CSGALNACT1: variants seen among roughly 807,000 people sequenced by gnomAD.
CSGALNACT1 encodes beta4GalNAcT-1.
Under a neutral mutation model 51.0 loss-of-function variants are expected in CSGALNACT1, and 52 were observed. That is an observed-to-expected ratio of 1.02 (90% CI 0.82 to 1.29). The LOEUF (loss-of-function observed/expected upper bound fraction) is 1.29, where lower values mean the gene tolerates loss of function less well. Ranked by LOEUF, CSGALNACT1 falls within the 50% of genes most tolerant of loss-of-function variation. The pLI is 0.00. For synonymous variants in CSGALNACT1, 341 were observed against 254.4 expected (o/e 1.34, Z -3.24); for missense variants, 935 against 679.2 (o/e 1.38, Z -4.19).
chr8:19,640,213 A>T (rs1171068547), intron 1 of CSGALNACT1, among the ~76,000 whole-genome samples: 2 of 152,246 alleles, frequency 1.3e-5, no homozygotes, highest in African/African-American at 2.4e-5. Flanking sequence ...CTTGCCAGCC[A>T]CACATCAGTG....
chr8:19,415,232 T>C (rs952356914), intron 8 of CSGALNACT1, among the ~76,000 whole-genome samples: 2 of 152,210 alleles, frequency 1.3e-5, no homozygotes, highest in Admixed American at 1.3e-4. Context: ...AAGCGTTTCA[T>C]TTCTTCTGAC....
chr8:19,415,147 C>G (rs1403898839), intron 8 of CSGALNACT1, among the ~76,000 whole-genome samples: 1 of 152,164 alleles, frequency 6.6e-6, no homozygotes, highest in Non-Finnish European at 1.5e-5. Flanking sequence ...GCTGTACAAT[C>G]CTGAACAAGC....
At chr8:19,462,903 A>T (rs1356487203) in intron 4 of CSGALNACT1, among the ~76,000 whole-genome samples, 1 of 152,028 alleles carries the variant, frequency 6.6e-6, no homozygotes, top group Non-Finnish European at 1.5e-5. Flanking sequence ...GTGTACAGAT[A>T]ATTTTGTCAC....
At chr8:19,415,590 T>G (rs776943611) in intron 8 of CSGALNACT1, among the ~76,000 whole-genome samples, 5 of 152,212 alleles carry the variant, frequency 3.3e-5, no homozygotes, top group Non-Finnish European at 5.9e-5. Flanking sequence ...TGCCTCTGAT[T>G]CCCTTCGCAA....
chr8:19,637,905 T>A (rs2056288377), intron 1 of CSGALNACT1, among the ~76,000 whole-genome samples: 2 of 151,998 alleles, frequency 1.3e-5, no homozygotes, highest in Admixed American at 1.3e-4. Flanking sequence ...TAGTTGAGGT[T>A]AGCCACAGGA....
chr8:19,653,033 C>T (rs139463982), intron 1 of CSGALNACT1, among the ~76,000 whole-genome samples: 2 of 152,300 alleles, frequency 1.3e-5, no homozygotes, highest in East Asian at 3.9e-4. Context: ...TAAGCATACA[C>T]TTGTAATGAA....
intron 3 of CSGALNACT1, among the ~76,000 whole-genome samples, chr8:19,529,865 G>A (rs2082398330): frequency 6.6e-6 from 1 of 152,128 alleles, no homozygotes; most frequent in Admixed American, 6.5e-5. Flanking sequence ...GTGATGCTAT[G>A]TAAATAGCTA....
intron 1 of CSGALNACT1, among the ~76,000 whole-genome samples, chr8:19,755,431 G>C (rs1016075936): frequency 1.9e-5 from 2 of 107,676 alleles, no homozygotes; most frequent in Non-Finnish European, 3.7e-5. Context: ...TGCTGGAGTT[G>C]GGGATCCCTA....
intron 1 of CSGALNACT1, among the ~76,000 whole-genome samples, chr8:19,700,005 A>G (rs1763944199): frequency 2.0e-5 from 3 of 151,600 alleles, no homozygotes; most frequent in South Asian, 2.1e-4. Context: ...CCAGCTACTC[A>G]GGAGGCTGAG....
At chr8:19,440,949 G>A (rs1427856698) in intron 5 of CSGALNACT1, among the ~76,000 whole-genome samples, 2 of 152,152 alleles carry the variant, frequency 1.3e-5, no homozygotes, top group African/African-American at 2.4e-5. Flanking sequence ...GCCCAATCAT[G>A]AGTGAACTCC....
chr8:19,463,235 TA>T (rs1489608528), intron 4 of CSGALNACT1, among the ~76,000 whole-genome samples: 1 of 152,230 alleles, frequency 6.6e-6, no homozygotes. Flanking sequence ...GATGGGCATC[TA>T]GGTTGATTCT....
intron 6 of CSGALNACT1, among the ~76,000 whole-genome samples, chr8:19,432,433 G>A (rs1373532359): frequency 6.6e-6 from 1 of 152,038 alleles, no homozygotes; most frequent in African/African-American, 2.4e-5. Context: ...TATTCTATTT[G>A]GAGTTAAGAT....
exon 10 of CSGALNACT1, chr8:19,405,929 C>G (rs139076756): frequency 1.2e-6 from 2 of 1,613,996 alleles, no homozygotes; most frequent in African/African-American, 2.7e-5. Context: ...GGGGTCAGCT[C>G]GTCCATGCAG....
chr8:19,659,781 C>T (rs1205247815), intron 1 of CSGALNACT1, among the ~76,000 whole-genome samples: 1 of 152,208 alleles, frequency 6.6e-6, no homozygotes, highest in Admixed American at 6.5e-5. Context: ...CAGCTCAGAG[C>T]ACTGTCTGCC....
intron 1 of CSGALNACT1, among the ~76,000 whole-genome samples, chr8:19,630,281 C>T (rs2055066589): frequency 6.7e-6 from 1 of 149,370 alleles, no homozygotes; most frequent in Admixed American, 6.7e-5. Flanking sequence ...TTTGTAAAGA[C>T]TGAAACTTGA....
intron 3 of CSGALNACT1, among the ~76,000 whole-genome samples, chr8:19,548,925 C>A (rs1221291042): frequency 6.6e-6 from 1 of 152,136 alleles, no homozygotes; most frequent in African/African-American, 2.4e-5. Context: ...CTCAAACGAT[C>A]CTCCTGCCTC....
intron 8 of CSGALNACT1, among the ~76,000 whole-genome samples, chr8:19,409,394 A>T (rs937561207): frequency 6.6e-6 from 1 of 152,128 alleles, no homozygotes; most frequent in African/African-American, 2.4e-5. Flanking sequence ...GGCTGCGGAG[A>T]GGCCATCCAG....
intron 1 of CSGALNACT1, among the ~76,000 whole-genome samples, chr8:19,662,859 G>A (rs1424135557): frequency 6.6e-6 from 1 of 152,098 alleles, no homozygotes; most frequent in Non-Finnish European, 1.5e-5. Flanking sequence ...CCCCATTCAG[G>A]AGGTCATGCC....
At chr8:19,620,652 C>G (rs1176374959) in intron 1 of CSGALNACT1, among the ~76,000 whole-genome samples, 4 of 152,132 alleles carry the variant, frequency 2.6e-5, no homozygotes, top group Non-Finnish European at 5.9e-5. Flanking sequence ...CCAGGTAGGT[C>G]TTCAACTCCT....
Sources: allele counts gnomAD v4.1 joint callset (sites outside exome capture counted in the v4.1 genomes callset), GRCh38; gene constraint gnomAD v4.1.1; transcripts MANE v1.5; gene names NCBI Gene and HGNC (gene_info 2026-07-23, HGNC 2026-07-21).